Variants in IL12RB2 observed in about 807,000 individuals in gnomAD.
IL12RB2 encodes interleukin 12 receptor subunit beta 2.
A neutral mutation model predicts 89.4 loss-of-function variants in IL12RB2; 82 were observed. That is an observed-to-expected ratio of 0.92 (90% CI 0.77 to 1.10). IL12RB2 has a LOEUF of 1.10. Among genes scored for constraint, IL12RB2 ranks in the 50% least tolerant of loss-of-function variants. The pLI, the probability that IL12RB2 is intolerant of heterozygous loss-of-function variation, is 0.00. For missense variants in IL12RB2, 963 were observed against 1,031.9 expected (o/e 0.93, Z 0.92); for synonymous variants, 368 against 370.1 (o/e 0.99, Z 0.07).
At chr1:67,356,747 A>C (rs17838057) in intron 10 of IL12RB2, among the ~76,000 whole-genome samples, 7,038 of 152,240 alleles carry the variant, frequency 0.046, 226 homozygotes, top group Admixed American at 0.069. Context: ...CTCCCTATAA[A>C]AAAAGAAAAG....
chr1:67,340,046 CA>C (rs1350782710), intron 9 of IL12RB2, among the ~76,000 whole-genome samples: 1 of 152,104 alleles, frequency 6.6e-6, no homozygotes, highest in Non-Finnish European at 1.5e-5. Context: ...GTAAGAATAA[CA>C]ATTATAAAGT....
intron 13 of IL12RB2, among the ~76,000 whole-genome samples, chr1:67,374,986 C>T (rs1309381886): frequency 2.6e-5 from 4 of 151,842 alleles, no homozygotes; most frequent in African/African-American, 7.3e-5. Flanking sequence ...GATTCACAGT[C>T]CTATTTTATA....
chr1:67,345,860 A>T (rs2100805725), intron 9 of IL12RB2, among the ~76,000 whole-genome samples: 1 of 152,302 alleles, frequency 6.6e-6, no homozygotes, highest in Middle Eastern at 3.4e-3. Context: ...AAAAAATAAG[A>T]GAGTAGGTAG....
At chr1:67,372,078 C>CTGTG (rs10674846) in intron 11 of IL12RB2, among the ~76,000 whole-genome samples, 16,373 of 143,972 alleles carry the variant, frequency 0.11, 971 homozygotes, top group Admixed American at 0.14. Flanking sequence ...GTGTGTGTGT[C>CTGTG]TGTGTGTGTG....
chr1:67,346,059 T>C (rs1660182628), intron 9 of IL12RB2, among the ~76,000 whole-genome samples: 1 of 152,064 alleles, frequency 6.6e-6, no homozygotes, highest in Admixed American at 6.5e-5. Context: ...CTGGGGAGTA[T>C]CTAGGAAGTG....
intron 11 of IL12RB2, among the ~76,000 whole-genome samples, chr1:67,372,149 A>G (rs1453501047): frequency 6.6e-6 from 1 of 151,796 alleles, no homozygotes; most frequent in Non-Finnish European, 1.5e-5. Flanking sequence ...CTCCTTCTTA[A>G]TCATGGTGAT....
chr1:67,324,964 A>G (rs993392199), intron 4 of IL12RB2, among the ~76,000 whole-genome samples: 1 of 152,266 alleles, frequency 6.6e-6, no homozygotes, highest in Non-Finnish European at 1.5e-5. Flanking sequence ...ATGGAACAAG[A>G]ATAGATGTTG....
At chr1:67,348,106 C>T (rs895468992) in intron 9 of IL12RB2, among the ~76,000 whole-genome samples, 5 of 152,104 alleles carry the variant, frequency 3.3e-5, no homozygotes, top group African/African-American at 4.8e-5. Flanking sequence ...TGGGAAGAGT[C>T]GGCGGGCTCC....
Position 67,396,570 on chromosome 1 carries a change from T to C in IL12RB2, c.*481T>C, listed in dbSNP as rs1201939577. 1.0e-5 allele frequency: 2 copies of C among 193,712 alleles called. No individual in the cohort carries two copies. The highest frequency in any genetic ancestry group is 2.2e-5 in the Non-Finnish European group (2 of 92,980). 12.0% of individuals were successfully genotyped at this position (193,712 alleles called of 1,614,324 possible). ...CCTCTGCACTCACTGTCCAGTACAT[T>C]AGACACTAGGCACATTGGCTGTTAA... On this transcript the variant is annotated 3_prime_UTR_variant, in exon 17 of 17. Coordinates refer to ENST00000674203, the MANE Select transcript of IL12RB2 (RefSeq NM_001374259.2).
chr1:67,371,900 G>A (rs1326361916), intron 11 of IL12RB2, among the ~76,000 whole-genome samples: 1 of 152,212 alleles, frequency 6.6e-6, no homozygotes, highest in Non-Finnish European at 1.5e-5. Flanking sequence ...CATCTGCCCT[G>A]TCAGATCTTG....
intron 10 of IL12RB2, among the ~76,000 whole-genome samples, chr1:67,351,540 T>C (rs1660846329): frequency 6.6e-6 from 1 of 152,180 alleles, no homozygotes; most frequent in Non-Finnish European, 1.5e-5. Flanking sequence ...TGTGTACCTA[T>C]GGTCCCAGCT....
In IL12RB2 at chr1:67,370,080, TCTC is replaced by T. The variant is rs376385987; in HGVS notation, c.1459+2058_1459+2060del. 9.2e-3 allele frequency among the ~76,000 whole-genome samples: 1,404 copies of T among 152,172 alleles called. 6 individuals carry two copies. Among genetic ancestry groups the T allele is most frequent in the Non-Finnish European group, 0.014 (948 of 68,012 alleles). ...AATAACTTTATTAAATTAAAGTTGT[TCTC>T]CTGCTTGGAAACACTTGGTTAGCTA... On this transcript the variant is annotated intron_variant, in intron 11 of 16. Transcript: ENST00000674203.
At position 67,396,261 on chromosome 1, in the gene IL12RB2, C is replaced by T. The variant is rs560429747; in HGVS notation, c.*172C>T. 5.6e-6 allele frequency: 4 copies of T among 713,132 alleles called. No homozygotes were observed. The highest frequency in any genetic ancestry group is 1.0e-5 in the Non-Finnish European group (4 of 391,598). The allele number at this position is 713,132 out of a possible 1,614,324, so 44.2% of individuals were successfully genotyped here. On this transcript the variant is annotated 3_prime_UTR_variant, in exon 17 of 17. Coordinates refer to ENST00000674203, the MANE Select transcript of IL12RB2 (RefSeq NM_001374259.2). Reference sequence around the variant, plus strand: ...GGAGTCTTAGGAACTGGGAGTTGGTCTTCACTCAGATGCCTCATCTTGCCT... The same window carrying T: ...GGAGTCTTAGGAACTGGGAGTTGGTTTTCACTCAGATGCCTCATCTTGCCT...
At chr1:67,334,721 T>C (rs6659995) in intron 8 of IL12RB2, among the ~76,000 whole-genome samples, 138,914 of 152,228 alleles carry the variant, frequency 0.91, 63,983 homozygotes, top group Non-Finnish European at 0.99. Context: ...CCTTGGGATC[T>C]GTCTGCCTCA....
At chr1:67,356,391 G>A (rs1380012011) in intron 10 of IL12RB2, among the ~76,000 whole-genome samples, 2 of 152,190 alleles carry the variant, frequency 1.3e-5, no homozygotes, top group African/African-American at 4.8e-5. Flanking sequence ...GCAGTGCAGA[G>A]TCACTGTCAA....
rs565328098 is a variant in IL12RB2 at position 67,308,945 on chromosome 1, G to A, written c.-125+978G>A. ...TGAGGCAGGAGAATTGCTTGAACCC[G>A]GGAGACAGAGGTTACAGTGAGCCAA... On this transcript the variant is annotated intron_variant, in intron 1 of 16. Transcript: ENST00000674203. 5.3e-5 allele frequency among the ~76,000 whole-genome samples: 8 copies of A among 152,104 alleles called. No homozygotes were observed. The East Asian group carries it at 1.2e-3, about 22-fold the overall frequency.
chr1:67,378,166 G>A (rs766487801), intron 13 of IL12RB2, among the ~76,000 whole-genome samples: 1 of 151,964 alleles, frequency 6.6e-6, no homozygotes, highest in Non-Finnish European at 1.5e-5. Flanking sequence ...ATTGAAATTT[G>A]TCTATTTTGT....
Position 67,372,315 on chromosome 1 carries a change from C to CTTTA in IL12RB2, c.1460-120_1460-117dup. 4 of 751,486 alleles carry CTTTA rather than the reference C, an allele frequency of 5.3e-6. No individual in the cohort carries two copies. The South Asian group carries it at 5.6e-5, about 10-fold the overall frequency. 46.6% of individuals were successfully genotyped at this position (751,486 alleles called of 1,614,324 possible). A position where few individuals can be genotyped will look rare whatever the true frequency, so the allele number is the denominator to read the frequency against. On this transcript the variant is annotated intron_variant, in intron 11 of 16. Transcript: ENST00000674203. ...TCAGTCCAGACTGTGCTTGAACCAT[C>CTTTA]TTTAAACTAGGAAAAGGCAAGAAAC...
intron 2 of IL12RB2, 113 bp from the exon 3 acceptor site, chr1:67,320,220 G>A: frequency 6.7e-7 from 1 of 1,488,282 alleles, no homozygotes; most frequent in Admixed American, 2.0e-5. Context: ...AAAATAACAA[G>A]ATCTCAACAA....
Sources: allele counts gnomAD v4.1 joint callset (sites outside exome capture counted in the v4.1 genomes callset), GRCh38; gene constraint gnomAD v4.1.1; transcripts MANE v1.5; gene names NCBI Gene and HGNC (gene_info 2026-07-23, HGNC 2026-07-21).